The following PLCB4 variants were observed in gnomAD, a reference collection of about 807,000 sequenced individuals.
The protein encoded by PLCB4 is phospholipase C beta 4.
In PLCB4, 77 loss-of-function variants were observed where a neutral mutation model predicts 178.8. The ratio of observed to expected loss-of-function variants is 0.43; its 90% CI spans 0.36 to 0.52. PLCB4 has a LOEUF of 0.52. Ranked by LOEUF, PLCB4 falls within the 20% of genes least tolerant of loss-of-function variation. The pLI, the probability that PLCB4 is intolerant of heterozygous loss-of-function variation, is 0.00. For missense variants in PLCB4, 1,024 were observed against 1,453.4 expected, an observed-to-expected ratio of 0.70 and a Z score of 4.80; for synonymous variants, 496 against 490.8, an observed-to-expected ratio of 1.01 and a Z score of -0.14.
intron 2 of PLCB4, among the ~76,000 whole-genome samples, chr20:9,135,003 G>A (rs1385528270): frequency 5.9e-5 from 9 of 151,976 alleles, no homozygotes; most frequent in Non-Finnish European, 1.2e-4. Flanking sequence ...TTTGGCAGAA[G>A]ATAATAGCTT....
chr20:9,295,601 G>C (rs2094624852), intron 3 of PLCB4, among the ~76,000 whole-genome samples: 1 of 152,112 alleles, frequency 6.6e-6, no homozygotes, highest in Non-Finnish European at 1.5e-5. Flanking sequence ...TTTTGTATAA[G>C]GTGTAAGGAA....
At chr20:9,403,574 G>T (rs573938541) in intron 20 of PLCB4, among the ~76,000 whole-genome samples, 1 of 152,252 alleles carries the variant, frequency 6.6e-6, no homozygotes, top group Admixed American at 6.5e-5. Flanking sequence ...GTGCAGCCAT[G>T]TGGTGGAAGA....
At chr20:9,088,178 CTTTT>C (rs10554943) in intron 1 of PLCB4, among the ~76,000 whole-genome samples, 7 of 99,188 alleles carry the variant, frequency 7.1e-5, no homozygotes, top group Admixed American at 2.0e-4. Context: ...CTTTTCTTTT[CTTTT>C]TTTTTTTTTT....
At chr20:9,331,412 A>G (rs2031627652) in intron 4 of PLCB4, among the ~76,000 whole-genome samples, 1 of 151,382 alleles carries the variant, frequency 6.6e-6, no homozygotes, top group African/African-American at 2.5e-5. Context: ...TCCACAGTAT[A>G]AGATACAGAC....
intron 14 of PLCB4, among the ~76,000 whole-genome samples, chr20:9,386,113 C>T (rs972009943): frequency 3.9e-5 from 6 of 152,124 alleles, no homozygotes; most frequent in Non-Finnish European, 8.8e-5. Flanking sequence ...ACCAGTCAGG[C>T]GTGGTGGCGC....
chr20:9,459,082 G>A (rs879432089), intron 34 of PLCB4, among the ~76,000 whole-genome samples: 1 of 152,216 alleles, frequency 6.6e-6, no homozygotes, highest in Non-Finnish European at 1.5e-5. Context: ...GGTGGCTCAC[G>A]CCTGTAATCC....
chr20:9,410,760 A>G (rs2039802405), intron 24 of PLCB4, among the ~76,000 whole-genome samples: 1 of 152,234 alleles, frequency 6.6e-6, no homozygotes, highest in African/African-American at 2.4e-5. Flanking sequence ...CTCAATACTC[A>G]TCAAACAATG....
At chr20:9,374,213 A>C (rs1476414934) in intron 12 of PLCB4, among the ~76,000 whole-genome samples, 1 of 152,194 alleles carries the variant, frequency 6.6e-6, no homozygotes, top group East Asian at 1.9e-4. Flanking sequence ...AAGAAAGAGA[A>C]AATCCTACCC....
In PLCB4 at chr20:9,394,821, C is replaced by T. The variant is rs115552206; in HGVS notation, c.1415-702C>T. On this transcript the variant is annotated intron_variant, in intron 18 of 39. Transcript: ENST00000378473. Reference sequence around the variant, plus strand: ...CTACCACCTTAGACTCTTCACCAGTCATATATGAGAGTGCCTGTTTCCCAC... The same window carrying T: ...CTACCACCTTAGACTCTTCACCAGTTATATATGAGAGTGCCTGTTTCCCAC... 2.6e-3 allele frequency among the ~76,000 whole-genome samples: 399 copies of T among 152,230 alleles called. 2 individuals carry two copies. The highest frequency in any genetic ancestry group is 9.1e-3 in the African/African-American group (379 of 41,540).
intron 2 of PLCB4, among the ~76,000 whole-genome samples, chr20:9,182,990 T>G (rs2080582281): frequency 1.3e-5 from 2 of 152,144 alleles, no homozygotes; most frequent in Non-Finnish European, 2.9e-5. Flanking sequence ...CAACGTGTCT[T>G]TCTGCAGGGG....
At chr20:9,289,765 C>T (rs1169286464) in intron 3 of PLCB4, among the ~76,000 whole-genome samples, 1 of 151,948 alleles carries the variant, frequency 6.6e-6, no homozygotes, top group Non-Finnish European at 1.5e-5. Context: ...TTGTTAAGTT[C>T]TATTAATAGT....
intron 38 of PLCB4, among the ~76,000 whole-genome samples, chr20:9,476,052 T>G (rs1039821202): frequency 2.0e-5 from 3 of 152,198 alleles, no homozygotes; most frequent in Non-Finnish European, 4.4e-5. Context: ...GTGACCCTAC[T>G]CCTAATCGGT....
intron 3 of PLCB4, among the ~76,000 whole-genome samples, chr20:9,238,306 C>T (rs182120910): frequency 1.6e-3 from 245 of 152,244 alleles, no homozygotes; most frequent in African/African-American, 3.9e-3. Context: ...AACATGGTTT[C>T]GGAAAGAAAT....
At chr20:9,427,989 T>G (rs895744387) in intron 28 of PLCB4, among the ~76,000 whole-genome samples, 14 of 152,196 alleles carry the variant, frequency 9.2e-5, no homozygotes, top group African/African-American at 3.1e-4. Flanking sequence ...GAAGTGACCC[T>G]CTATTTCTTT....
chr20:9,175,472 A>T (rs908168073), intron 2 of PLCB4, among the ~76,000 whole-genome samples: 1 of 152,180 alleles, frequency 6.6e-6, no homozygotes, highest in African/African-American at 2.4e-5. Context: ...TGGAAAGAAT[A>T]ATCTGTGGAT....
intron 2 of PLCB4, among the ~76,000 whole-genome samples, chr20:9,213,590 A>G (rs1371623251): frequency 2.6e-5 from 4 of 152,230 alleles, no homozygotes; most frequent in African/African-American, 4.8e-5. Context: ...ATTGTTTACA[A>G]TTGGGCTATT....
At chr20:9,310,434 G>T (rs1241002033) in intron 4 of PLCB4, among the ~76,000 whole-genome samples, 1 of 152,126 alleles carries the variant, frequency 6.6e-6, no homozygotes, top group East Asian at 1.9e-4. Context: ...AAAGCAGCTG[G>T]GCACAGTGTC....
At chr20:9,255,399 C>T (rs1412051895) in intron 3 of PLCB4, among the ~76,000 whole-genome samples, 2 of 152,134 alleles carry the variant, frequency 1.3e-5, no homozygotes, top group Non-Finnish European at 2.9e-5. Context: ...CATTAAAGAA[C>T]TAGCCATTGA....
chr20:9,174,851 C>T (rs2093127687), intron 2 of PLCB4, among the ~76,000 whole-genome samples: 1 of 152,134 alleles, frequency 6.6e-6, no homozygotes, highest in Non-Finnish European at 1.5e-5. Flanking sequence ...ACAGAAGCTA[C>T]TTAGTAATCT....
Sources: allele counts gnomAD v4.1 joint callset (sites outside exome capture counted in the v4.1 genomes callset), GRCh38; gene constraint gnomAD v4.1.1; transcripts MANE v1.5; gene names NCBI Gene and HGNC (gene_info 2026-07-23, HGNC 2026-07-21).